COL23A1: variants seen among roughly 807,000 people sequenced by gnomAD.
COL23A1 encodes collagen alpha-1(XXIII) chain.
Under a neutral mutation model 99.3 loss-of-function variants are expected in COL23A1, and 97 were observed. The ratio of observed to expected loss-of-function variants is 0.98; its 90% CI spans 0.83 to 1.16. The LOEUF (loss-of-function observed/expected upper bound fraction) is 1.16. COL23A1 is among the 50% of genes most tolerant of loss of function. The pLI, the probability that COL23A1 is intolerant of heterozygous loss-of-function variation, is 0.00. For synonymous variants in COL23A1, 320 were observed against 308.2 expected (o/e 1.04, Z -0.40); for missense variants, 762 against 757.4 (o/e 1.01, Z -0.07).
At chr5:178,580,209 T>C (rs966476919) in intron 1 of COL23A1, among the ~76,000 whole-genome samples, 2 of 151,866 alleles carry the variant, frequency 1.3e-5, no homozygotes, top group Admixed American at 1.3e-4. Flanking sequence ...ATGCCTGTAA[T>C]CCCAGCTACT....
chr5:178,433,311 T>C (rs1204850761), intron 2 of COL23A1, among the ~76,000 whole-genome samples: 1 of 152,082 alleles, frequency 6.6e-6, no homozygotes, highest in Non-Finnish European at 1.5e-5. Flanking sequence ...TACTTACATT[T>C]ACCAGCTTAG....
intron 2 of COL23A1, among the ~76,000 whole-genome samples, chr5:178,550,685 T>C (rs1234968966): frequency 1.3e-5 from 2 of 152,156 alleles, no homozygotes; most frequent in Admixed American, 1.3e-4. Context: ...ATAGTATTAC[T>C]GCACTGAACC....
intron 1 of COL23A1, chr5:178,562,738 G>T (rs932532079): frequency 7.9e-6 from 1 of 127,142 alleles, no homozygotes; most frequent in Non-Finnish European, 1.7e-5. Flanking sequence ...GCTGGTGGTG[G>T]GGGGGGTGCG....
At position 178,428,039 on chromosome 5, in the gene COL23A1, A is replaced by T. The variant is rs1191880479; in HGVS notation, c.362-121120T>A. Reference sequence around the variant, plus strand: ...GATGTTGATCCCTGATCCAGGGAGGAAGGAGTATTAGGAAGCCAATTTGGC... The same window carrying T: ...GATGTTGATCCCTGATCCAGGGAGGTAGGAGTATTAGGAAGCCAATTTGGC... On this transcript the variant is annotated intron_variant, in intron 2 of 28. Transcript: ENST00000390654. The surrounding 1 kb of genome is among the most constrained non-coding windows in gnomAD (Gnocchi z 5.0). Among the ~76,000 whole-genome samples, 1 of 146,922 alleles carries T rather than the reference A, an allele frequency of 6.8e-6. No homozygotes were observed. The highest frequency in any genetic ancestry group is 2.6e-5 in the African/African-American group (1 of 38,836).
chr5:178,346,119 G>T (rs775754792), intron 2 of COL23A1, among the ~76,000 whole-genome samples: 1 of 148,674 alleles, frequency 6.7e-6, no homozygotes, highest in African/African-American at 2.5e-5. Context: ...ATTTCTTTTG[G>T]AATTAAAGTA....
At chr5:178,539,796 T>A (rs1226978272) in intron 2 of COL23A1, among the ~76,000 whole-genome samples, 1 of 152,142 alleles carries the variant, frequency 6.6e-6, no homozygotes, top group Non-Finnish European at 1.5e-5. Context: ...CATAACCTTA[T>A]ACCAAAACTG....
chr5:178,381,607 C>G (rs1163682298), intron 2 of COL23A1, among the ~76,000 whole-genome samples: 3 of 152,214 alleles, frequency 2.0e-5, no homozygotes, highest in Non-Finnish European at 4.4e-5. Flanking sequence ...TCTCCGGGCC[C>G]AGGCCTAGCC....
chr5:178,279,984 G>C (rs73342843), intron 5 of COL23A1, among the ~76,000 whole-genome samples: 2,321 of 152,306 alleles, frequency 0.015, 62 homozygotes, highest in African/African-American at 0.054. Flanking sequence ...AGGGACCCCT[G>C]GATGTGTTTC....
intron 3 of COL23A1, among the ~76,000 whole-genome samples, chr5:178,293,227 AT>A (rs1757557222): frequency 6.6e-6 from 1 of 151,520 alleles, no homozygotes; most frequent in Non-Finnish European, 1.5e-5. Context: ...GAGAGAGAGG[AT>A]TCGGTGTGGG....
chr5:178,498,205 A>AATATAC (rs1758296496), intron 2 of COL23A1, among the ~76,000 whole-genome samples: 2 of 34,708 alleles, frequency 5.8e-5, no homozygotes, highest in African/African-American at 2.3e-4. Flanking sequence ...TCTTTATTTA[A>AATATAC]ATATATATAT....
intron 2 of COL23A1, among the ~76,000 whole-genome samples, chr5:178,472,691 T>C (rs1756821576): frequency 6.6e-6 from 1 of 152,152 alleles, no homozygotes; most frequent in South Asian, 2.1e-4. Context: ...CTCTGGCTGC[T>C]TAAGTGACTT....
At position 178,468,922 on chromosome 5, in the gene COL23A1, C is replaced by A. The variant is rs528554908; in HGVS notation, c.361+91760G>T. On this transcript the variant is annotated intron_variant, in intron 2 of 28. Coordinates refer to ENST00000390654, the MANE Select transcript of COL23A1 (RefSeq NM_173465.4). This position sits in a 1 kb window ranked among gnomAD's most constrained non-coding sequence, Gnocchi z 4.2. ...ATTAAACACCAACTCCCCACTCCCC[C>A]CAGCCTGTGGCACCCACCATCCTGG... 6.6e-6 allele frequency among the ~76,000 whole-genome samples: 1 copy of A among 152,300 alleles called. No homozygotes were observed. Among genetic ancestry groups the A allele is most frequent in the South Asian group, 2.1e-4 (1 of 4,822 alleles).
In COL23A1 at chr5:178,307,388, G is replaced by A. The variant is rs1432376555; in HGVS notation, c.362-469C>T. On this transcript the variant is annotated intron_variant, in intron 2 of 28. Coordinates refer to ENST00000390654, the MANE Select transcript of COL23A1 (RefSeq NM_173465.4). This position sits in a 1 kb window ranked among gnomAD's most constrained non-coding sequence, Gnocchi z 4.2. Reference sequence around the variant, plus strand: ...ACAACAAAGAGGCCATCACGGCCGCGCAGCGCCGAAATCCACTCATGACAG... The same window carrying A: ...ACAACAAAGAGGCCATCACGGCCGCACAGCGCCGAAATCCACTCATGACAG... Among the ~76,000 whole-genome samples the A allele has an allele frequency of 6.6e-6, 1 of 152,214 alleles. No homozygotes were observed. The highest frequency in any genetic ancestry group is 1.5e-5 in the Non-Finnish European group (1 of 68,040).
At chr5:178,357,718 A>ATGTGTGTGTG (rs144352054) in intron 2 of COL23A1, among the ~76,000 whole-genome samples, 1 of 145,854 alleles carries the variant, frequency 6.9e-6, no homozygotes, top group Non-Finnish European at 1.5e-5. Context: ...AAATGTGTGT[A>ATGTGTGTGTG]TGTGTGTGTG....
At position 178,358,264 on chromosome 5, in the gene COL23A1, G is replaced by GTGTGTATGTA. The variant is rs1237448233; in HGVS notation, c.362-51346_362-51345insTACATACACA. ...TATGTGTATGTGTGTGTATGTATATGTGTGTATATGTGTGTATGCGTGTGC... is the reference window on the plus strand; with the variant it reads ...TATGTGTATGTGTGTGTATGTATATGTGTGTATGTATGTGTATATGTGTGTATGCGTGTGC... On this transcript the variant is annotated intron_variant, in intron 2 of 28. Transcript: ENST00000390654. 1.8e-4 allele frequency among the ~76,000 whole-genome samples: 26 copies of GTGTGTATGTA among 143,920 alleles called. 1 individual carries two copies. In the East Asian group the frequency reaches 2.7e-3, roughly 15 times the overall value. 94.4% of individuals were successfully genotyped at this position (143,920 alleles called of 152,430 possible).
intron 2 of COL23A1, among the ~76,000 whole-genome samples, chr5:178,514,788 T>C (rs761770080): frequency 3.3e-5 from 5 of 152,218 alleles, no homozygotes; most frequent in Non-Finnish European, 7.3e-5. Context: ...TAGTCACGTT[T>C]TCCCAGGCTC....
chr5:178,540,340 A>T (rs1761219428), intron 2 of COL23A1, among the ~76,000 whole-genome samples: 1 of 152,250 alleles, frequency 6.6e-6, no homozygotes, highest in Admixed American at 6.5e-5. Flanking sequence ...ATGAAAAGTC[A>T]TCACCAACAG....
At chr5:178,383,855 A>G (rs1763516590) in intron 2 of COL23A1, among the ~76,000 whole-genome samples, 1 of 151,996 alleles carries the variant, frequency 6.6e-6, no homozygotes, top group Non-Finnish European at 1.5e-5. Flanking sequence ...TGGACATGGT[A>G]AAAGCAAACC....
At position 178,556,667 on chromosome 5, in the gene COL23A1, A is replaced by AAAATAAAATAAAATAAAATT. The variant is rs1367642868; in HGVS notation, c.361+4014_361+4015insAATTTTATTTTATTTTATTT. On this transcript the variant is annotated intron_variant, in intron 2 of 28. Transcript: ENST00000390654. ...AAAATAAAATAAAATAAAATAAAAT[A>AAAATAAAATAAAATAAAATT]AAAAAGCTGAGTGTGGTAGCTCATG... Among the ~76,000 whole-genome samples, 606 of 150,844 alleles carry AAAATAAAATAAAATAAAATT rather than the reference A, an allele frequency of 4.0e-3. 7 individuals carry two copies. The highest frequency in any genetic ancestry group is 0.013 in the African/African-American group (534 of 41,052).
Sources: allele counts gnomAD v4.1 joint callset (sites outside exome capture counted in the v4.1 genomes callset), GRCh38; gene constraint gnomAD v4.1.1; non-coding constraint Gnocchi (gnomAD v3.1); transcripts MANE v1.5; gene names NCBI Gene and HGNC (gene_info 2026-07-23, HGNC 2026-07-21).